Variants in GRIK2 observed in about 807,000 individuals in gnomAD.
GRIK2 encodes the protein glutamate ionotropic receptor kainate type subunit 2.
In GRIK2, 32 loss-of-function variants were observed where a neutral mutation model predicts 100.3. The ratio of observed to expected loss-of-function variants is 0.32; its 90% CI spans 0.24 to 0.43. The LOEUF is 0.43. Ranked by LOEUF, GRIK2 falls within the 20% of genes least tolerant of loss-of-function variation. GRIK2 has a pLI of 1.00. For synonymous variants in GRIK2, 417 were observed against 389.4 expected, an observed-to-expected ratio of 1.07 and a Z score of -0.83; for missense variants, 843 against 1,114.9, an observed-to-expected ratio of 0.76 and a Z score of 3.47.
At chr6:101,798,697 A>G (rs1562396594) in intron 7 of GRIK2, among the ~76,000 whole-genome samples, 1 of 151,980 alleles carries the variant, frequency 6.6e-6, no homozygotes, top group Non-Finnish European at 1.5e-5. Context: ...ATTCTAAAGC[A>G]TGCCAAGCAG....
chr6:101,434,489 ATT>A (rs200219115), intron 2 of GRIK2, among the ~76,000 whole-genome samples: 1 of 147,914 alleles, frequency 6.8e-6, no homozygotes, highest in East Asian at 2.0e-4. Context: ...TAATTTGAAT[ATT>A]TTTTTTTTTG....
intron 12 of GRIK2, among the ~76,000 whole-genome samples, chr6:101,913,465 T>C (rs959551267): frequency 6.6e-6 from 1 of 151,616 alleles, no homozygotes; most frequent in Non-Finnish European, 1.5e-5. Flanking sequence ...ACTTATTCTA[T>C]TTTCAGTATT....
At chr6:101,492,633 A>G (rs1213744072) in intron 2 of GRIK2, among the ~76,000 whole-genome samples, 1 of 151,958 alleles carries the variant, frequency 6.6e-6, no homozygotes, top group South Asian at 2.1e-4. Context: ...ATAAACTTGT[A>G]CTTTTCCTTC....
At chr6:101,888,797 T>C (rs1424532569) in intron 11 of GRIK2, among the ~76,000 whole-genome samples, 1 of 152,194 alleles carries the variant, frequency 6.6e-6, no homozygotes, top group Admixed American at 6.5e-5. Context: ...GTTTTTACAT[T>C]TATTAATAAT....
chr6:101,593,600 A>G (rs919148835), intron 2 of GRIK2, among the ~76,000 whole-genome samples: 1 of 151,878 alleles, frequency 6.6e-6, no homozygotes, highest in Non-Finnish European at 1.5e-5. Flanking sequence ...ATTTTTACAG[A>G]GCCTAAAATA....
At chr6:101,768,407 T>C (rs1778173039) in intron 7 of GRIK2, among the ~76,000 whole-genome samples, 2 of 152,162 alleles carry the variant, frequency 1.3e-5, no homozygotes, top group African/African-American at 4.8e-5. Flanking sequence ...TATTACCACC[T>C]TTTTCTAGCA....
intron 2 of GRIK2, among the ~76,000 whole-genome samples, chr6:101,564,947 T>C (rs1297607574): frequency 6.6e-6 from 1 of 151,986 alleles, no homozygotes; most frequent in East Asian, 1.9e-4. Context: ...TTATACTCTC[T>C]CTCCCTCCTG....
In GRIK2 at chr6:101,715,289, G is replaced by A. The variant is rs1773986340; in HGVS notation, c.951+28936G>A. On this transcript the variant is annotated intron_variant, in intron 7 of 16. Coordinates refer to ENST00000369134, the MANE Select transcript of GRIK2 (RefSeq NM_021956.5). ...ATAAACAGTCCTGAAGACAAATAAT[G>A]TCATTCAGGATGCTAAGTGCTTACC... Among the ~76,000 whole-genome samples, 5 of 151,718 alleles carry A rather than the reference G, an allele frequency of 3.3e-5. No individual in the cohort carries two copies. The South Asian group carries it at 1.0e-3, about 31-fold the overall frequency.
chr6:101,643,588 TTA>T (rs1281255757), intron 4 of GRIK2, among the ~76,000 whole-genome samples: 1 of 151,764 alleles, frequency 6.6e-6, no homozygotes, highest in Admixed American at 6.6e-5. Context: ...TTCCATTGGT[TTA>T]TATGTCTGCC....
Position 102,055,442 on chromosome 6 carries a change from G to T in GRIK2, c.2424G>T (p.Glu808Asp), listed in dbSNP as rs2227283. The change falls in exon 16 of 17, where the codon GAG (glutamate) becomes GAT (aspartate). Residue 808 changes from glutamate to aspartate, a missense_variant. Glu to Asp is a conservative substitution (Grantham distance 45). This residue lies in a region of GRIK2 where 237 missense variants were observed against 388.0 expected (regional missense o/e 0.61). Transcript: ENST00000369134. The part of the protein sequence containing the change: ...WWRGNGCPEE[E>D]SKEASALGVQ... ...GGGGCAATGGTTGCCCAGAAGAGGA[G>T]AGCAAAGAGGCCAGTGCCCTGGGGG... 3.7e-6 allele frequency: 6 copies of T among 1,613,408 alleles called. No individual in the cohort carries two copies. The East Asian group carries it at 1.3e-4, about 36-fold the overall frequency.
At chr6:101,439,697 G>A (rs1008021923) in intron 2 of GRIK2, among the ~76,000 whole-genome samples, 17 of 151,950 alleles carry the variant, frequency 1.1e-4, no homozygotes, top group African/African-American at 4.1e-4. Flanking sequence ...AAATGGAAAT[G>A]CATTGTAGTT....
At chr6:101,945,096 T>C (rs1791192017) in intron 14 of GRIK2, among the ~76,000 whole-genome samples, 1 of 152,158 alleles carries the variant, frequency 6.6e-6, no homozygotes, top group Admixed American at 6.5e-5. Context: ...ACAGGAAAAT[T>C]GCTTTTAGTA....
intron 2 of GRIK2, among the ~76,000 whole-genome samples, chr6:101,436,579 A>G (rs1207169426): frequency 6.6e-6 from 1 of 152,036 alleles, no homozygotes; most frequent in Non-Finnish European, 1.5e-5. Flanking sequence ...CAAGATTTTT[A>G]TGTGGGAGCA....
chr6:101,718,661 C>A (rs571562388), intron 7 of GRIK2, among the ~76,000 whole-genome samples: 24 of 151,942 alleles, frequency 1.6e-4, no homozygotes, highest in Admixed American at 1.3e-3. Flanking sequence ...GCCAATATGT[C>A]AAGGATTCTA....
chr6:102,038,975 C>T (rs1407183545), intron 15 of GRIK2, among the ~76,000 whole-genome samples: 1 of 151,216 alleles, frequency 6.6e-6, no homozygotes, highest in Non-Finnish European at 1.5e-5. Flanking sequence ...GAGATTAAAA[C>T]GGGAAATATT....
At chr6:101,736,321 C>A (rs994514562) in intron 7 of GRIK2, among the ~76,000 whole-genome samples, 1 of 152,332 alleles carries the variant, frequency 6.6e-6, no homozygotes, top group South Asian at 2.1e-4. Context: ...AGTAGGGGCT[C>A]TGTGTGGATG....
rs966280772 is a variant in GRIK2, at chr6:101,953,179, C to T, written c.2085+24547C>T. ...ATTTATCTGTTTATCAGAGGATGGA[C>T]ATTTGAATTGCTTCCACTTTTTGGA... On this transcript the variant is annotated intron_variant, in intron 14 of 16. Transcript: ENST00000369134. Among the ~76,000 whole-genome samples, 3 of 152,140 alleles carry T rather than the reference C, an allele frequency of 2.0e-5. 1 individual carries two copies. Among genetic ancestry groups the T allele is most frequent in the Admixed American group, 2.0e-4 (3 of 15,272 alleles).
chr6:101,429,711 A>G (rs1371299592), intron 2 of GRIK2, among the ~76,000 whole-genome samples: 1 of 152,112 alleles, frequency 6.6e-6, no homozygotes, highest in Non-Finnish European at 1.5e-5. Flanking sequence ...TTTTCCAATT[A>G]TAGCAGCACT....
At chr6:102,043,560 C>T (rs538860784) in intron 15 of GRIK2, among the ~76,000 whole-genome samples, 1 of 151,962 alleles carries the variant, frequency 6.6e-6, no homozygotes, top group South Asian at 2.1e-4. Context: ...TCTCTTGTTT[C>T]ATCTAGGTTG....
Sources: allele counts gnomAD v4.1 joint callset (sites outside exome capture counted in the v4.1 genomes callset), GRCh38; gene constraint gnomAD v4.1.1; regional missense constraint gnomAD v4.1.1; transcripts MANE v1.5; gene names NCBI Gene and HGNC (gene_info 2026-07-23, HGNC 2026-07-21).